Variants in TAF1B observed in about 807,000 individuals in gnomAD.
The protein encoded by TAF1B is TATA-box binding protein associated factor, RNA polymerase I subunit B.
Under a neutral mutation model 83.9 loss-of-function variants are expected in TAF1B, and 61 were observed. The ratio of observed to expected loss-of-function variants is 0.73; its 90% CI spans 0.59 to 0.90. The LOEUF is 0.90. TAF1B is among the 40% of genes least tolerant of loss of function. TAF1B has a pLI of 0.00. For synonymous variants in TAF1B, 221 were observed against 224.6 expected (o/e 0.98, Z 0.14); for missense variants, 625 against 677.0 (o/e 0.92, Z 0.85).
intron 11 of TAF1B, 79 bp downstream of exon 11, chr2:9,911,636 ACTTTG>A: frequency 9.6e-7 from 1 of 1,042,652 alleles, no homozygotes; most frequent in African/African-American, 1.7e-5. Flanking sequence ...TAGGCAAACA[ACTTTG>A]AAAAATACAC....
Position 9,880,914 on chromosome 2 carries a change from A to ATAT in TAF1B, c.708-1792_708-1791insTAT, listed in dbSNP as rs1251867262. Among the ~76,000 whole-genome samples, 8 of 152,362 alleles carry ATAT rather than the reference A, an allele frequency of 5.3e-5. No individual in the cohort carries two copies. The East Asian group carries it at 1.3e-3, about 26-fold the overall frequency. On this transcript the variant is annotated intron_variant, in intron 7 of 14. Coordinates refer to ENST00000263663, the MANE Select transcript of TAF1B (RefSeq NM_005680.3). ...CAATAATACAAATACTGATTACTGC[A>ATAT]CATAAATACTATCATATAAACGAAA...
chr2:9,904,670 G>A (rs563948831), intron 8 of TAF1B, among the ~76,000 whole-genome samples, 189 bp from the exon 9 acceptor site: 1 of 152,300 alleles, frequency 6.6e-6, no homozygotes, highest in Non-Finnish European at 1.5e-5. Flanking sequence ...TCTCCAAACT[G>A]CTTTCTACAG....
At chr2:9,851,127 C>T (rs1380928949) in intron 3 of TAF1B, among the ~76,000 whole-genome samples, 1 of 152,096 alleles carries the variant, frequency 6.6e-6, no homozygotes, top group African/African-American at 2.4e-5. Flanking sequence ...ATTTAGGATT[C>T]TGCTGGGCAT....
chr2:9,843,446 C>T (rs543802289), upstream of TAF1B: 150 of 1,371,866 alleles, frequency 1.1e-4, 2 homozygotes, highest in Middle Eastern at 5.6e-4. Context: ...GCGCGGATCT[C>T]GCGTTTCCGG....
chr2:9,863,187 G>A (rs1368308496), intron 5 of TAF1B, among the ~76,000 whole-genome samples: 1 of 152,180 alleles, frequency 6.6e-6, no homozygotes, highest in Non-Finnish European at 1.5e-5. Flanking sequence ...TCAGTGTGCT[G>A]TATTCAGGAA....
chr2:9,906,322 TAAATC>T (rs1402642806), intron 9 of TAF1B, among the ~76,000 whole-genome samples: 3 of 152,190 alleles, frequency 2.0e-5, no homozygotes, highest in Non-Finnish European at 1.5e-5. Context: ...GGAGTAGAAA[TAAATC>T]CGTTACAATA....
At chr2:9,872,874 T>G (rs908837531) in intron 6 of TAF1B, among the ~76,000 whole-genome samples, 2 of 152,208 alleles carry the variant, frequency 1.3e-5, no homozygotes, top group African/African-American at 4.8e-5. Context: ...TAATTTGCAG[T>G]TCCATTACGT....
rs956410958 is a variant in TAF1B, at chr2:9,913,035, A to G, written c.1181-124A>G. Reference sequence around the variant, plus strand: ...CAGTTCTGTTGTCTCTCTAATGTCTACATCTTGATCACACACTCACACCAA... The same window carrying G: ...CAGTTCTGTTGTCTCTCTAATGTCTGCATCTTGATCACACACTCACACCAA... On this transcript the variant is annotated intron_variant, in intron 11 of 14. Coordinates refer to ENST00000263663, the MANE Select transcript of TAF1B (RefSeq NM_005680.3). The G allele has an allele frequency of 1.4e-5, 10 of 707,324 alleles. No homozygotes were observed. The South Asian group carries it at 1.5e-4, about 11-fold the overall frequency. The allele number at this position is 707,324 out of a possible 1,614,324, so 43.8% of individuals were successfully genotyped here.
chr2:9,869,598 G>T (rs887661439), intron 6 of TAF1B, among the ~76,000 whole-genome samples: 1 of 151,770 alleles, frequency 6.6e-6, no homozygotes, highest in Non-Finnish European at 1.5e-5. Flanking sequence ...ATCAATGGCC[G>T]GGCGTAGTGG....
chr2:9,877,503 A>G (rs1664355337), intron 7 of TAF1B, among the ~76,000 whole-genome samples: 1 of 152,112 alleles, frequency 6.6e-6, no homozygotes, highest in Admixed American at 6.5e-5. Context: ...TCTTCTCTGC[A>G]TTCCCTCTCT....
intron 8 of TAF1B, among the ~76,000 whole-genome samples, chr2:9,898,081 C>G (rs1379118741): frequency 6.6e-6 from 1 of 151,472 alleles, no homozygotes; most frequent in East Asian, 1.9e-4. Flanking sequence ...AGCACTTCCT[C>G]CTGTCTACAA....
At chr2:9,898,564 T>C (rs1458955010) in intron 8 of TAF1B, among the ~76,000 whole-genome samples, 3 of 152,160 alleles carry the variant, frequency 2.0e-5, no homozygotes, top group Admixed American at 1.3e-4. Flanking sequence ...TTAACATATA[T>C]GAAAACAGTG....
chr2:9,843,588 C>G (rs1321267905), intron 1 of TAF1B, 29 bp downstream of exon 1: 1 of 1,484,538 alleles, frequency 6.7e-7, no homozygotes, highest in South Asian at 1.3e-5. Flanking sequence ...TGGCGGGCCA[C>G]GATCGCCGGG....
intron 1 of TAF1B, chr2:9,844,559 G>A (rs1663139249): frequency 6.6e-6 from 1 of 152,248 alleles, no homozygotes; most frequent in African/African-American, 2.4e-5. Context: ...AATTAGGCCT[G>A]TATATACAGG....
At chr2:9,916,837 C>CTTTCTT (rs1665694007) in intron 12 of TAF1B, among the ~76,000 whole-genome samples, 1 of 95,720 alleles carries the variant, frequency 1.0e-5, no homozygotes, top group Non-Finnish European at 2.3e-5. Context: ...CCTTTCTGTT[C>CTTTCTT]TTTTTTTTTT....
chr2:9,915,586 T>A (rs928194378), intron 12 of TAF1B, among the ~76,000 whole-genome samples: 6 of 152,216 alleles, frequency 3.9e-5, no homozygotes, highest in Non-Finnish European at 7.3e-5. Context: ...GACATATCAT[T>A]ATATACCAAT....
chr2:9,899,667 T>A (rs537989501), intron 8 of TAF1B, among the ~76,000 whole-genome samples: 1,191 of 65,558 alleles, frequency 0.018, 17 homozygotes, highest in African/African-American at 0.078. Context: ...TTTTTGAATG[T>A]TTTTTTCTTA....
chr2:9,880,037 A>G (rs1227918321), intron 7 of TAF1B, among the ~76,000 whole-genome samples: 1 of 152,118 alleles, frequency 6.6e-6, no homozygotes, highest in Admixed American at 6.6e-5. Flanking sequence ...GGAAGGGTGG[A>G]AGCACGGAGA....
intron 9 of TAF1B, among the ~76,000 whole-genome samples, chr2:9,910,032 T>TGATTAGAGTAGG (rs71391170): frequency 0.51 from 78,030 of 151,956 alleles, 23,025 homozygotes; most frequent in Non-Finnish European, 0.67. Flanking sequence ...TACTTGAAAT[T>TGATTAGAGTAGG]GTGTGGTCAC....
Sources: allele counts gnomAD v4.1 joint callset (sites outside exome capture counted in the v4.1 genomes callset), GRCh38; gene constraint gnomAD v4.1.1; transcripts MANE v1.5; gene names NCBI Gene and HGNC (gene_info 2026-07-23, HGNC 2026-07-21).